Variants in CTNND2 observed in about 807,000 individuals in gnomAD.
CTNND2 encodes the protein catenin delta 2.
A neutral mutation model predicts 144.4 loss-of-function variants in CTNND2; 22 were observed. The observed-to-expected ratio is 0.15, with a 90% CI of 0.11 to 0.22. The LOEUF (loss-of-function observed/expected upper bound fraction) is 0.22. Ranked by LOEUF, CTNND2 falls within the 10% of genes least tolerant of loss-of-function variation. The pLI is 1.00. For missense variants in CTNND2, 1,353 were observed against 1,618.8 expected (o/e 0.84, Z 2.82); for synonymous variants, 751 against 695.6 (o/e 1.08, Z -1.25).
At chr5:11,258,428 A>G (rs1320581529) in intron 9 of CTNND2, among the ~76,000 whole-genome samples, 1 of 152,242 alleles carries the variant, frequency 6.6e-6, no homozygotes, top group South Asian at 2.1e-4. Context: ...TCACAAGCTT[A>G]TGCTCAGGCA....
chr5:11,894,704 C>A (rs1737258915), intron 1 of CTNND2, among the ~76,000 whole-genome samples: 1 of 152,012 alleles, frequency 6.6e-6, no homozygotes, highest in Non-Finnish European at 1.5e-5. Context: ...AGTTTTTATC[C>A]CAAGGAACAA....
intron 3 of CTNND2, among the ~76,000 whole-genome samples, chr5:11,435,084 A>G (rs565375710): frequency 6.6e-6 from 1 of 151,990 alleles, no homozygotes; most frequent in East Asian, 1.9e-4. Flanking sequence ...CTGATACTCT[A>G]TTTACAGATT....
chr5:11,316,853 G>T (rs1751561779), intron 9 of CTNND2, among the ~76,000 whole-genome samples: 1 of 152,044 alleles, frequency 6.6e-6, no homozygotes, highest in Non-Finnish European at 1.5e-5. Flanking sequence ...GTATTCCATG[G>T]TGTATATGTG....
chr5:11,825,986 CATA>C (rs1221792358), intron 1 of CTNND2, among the ~76,000 whole-genome samples: 2 of 151,720 alleles, frequency 1.3e-5, no homozygotes. Flanking sequence ...CAACGTAAGG[CATA>C]ATAAGGGAAA....
intron 2 of CTNND2, among the ~76,000 whole-genome samples, chr5:11,614,236 T>A (rs1780473427): frequency 6.6e-6 from 1 of 152,216 alleles, no homozygotes; most frequent in African/African-American, 2.4e-5. Flanking sequence ...GAGACTATGT[T>A]TAGCAGGTTA....
intron 2 of CTNND2, among the ~76,000 whole-genome samples, chr5:11,715,066 T>G (rs769442419): frequency 3.9e-5 from 6 of 152,142 alleles, no homozygotes; most frequent in Non-Finnish European, 2.9e-5. Flanking sequence ...TTTTGAGAGA[T>G]AGGGTTTCTG....
intron 3 of CTNND2, among the ~76,000 whole-genome samples, chr5:11,448,315 T>C (rs61753758): frequency 1.1e-3 from 173 of 152,304 alleles, no homozygotes; most frequent in African/African-American, 3.9e-3. Flanking sequence ...TTTAAATTGT[T>C]TAAAAATTTA....
At chr5:11,250,823 C>A (rs1580711593) in intron 9 of CTNND2, among the ~76,000 whole-genome samples, 1 of 151,938 alleles carries the variant, frequency 6.6e-6, no homozygotes, top group Admixed American at 6.6e-5. Context: ...AGCCCATAGA[C>A]CTTTATAATT....
At chr5:11,150,294 C>T (rs889789535) in intron 12 of CTNND2, among the ~76,000 whole-genome samples, 1 of 152,164 alleles carries the variant, frequency 6.6e-6, no homozygotes, top group Non-Finnish European at 1.5e-5. Context: ...GATTGTCAAA[C>T]ATCCCTGAGT....
rs1426284091 is a variant in CTNND2, at chr5:11,487,652, GC to G, written c.288-75584del. ...CACCATTAAAAATTAAATTATATAT[GC>G]TTATAATTAAATCATTTATATTAAA... On this transcript the variant is annotated intron_variant, in intron 3 of 21. Coordinates refer to ENST00000304623, the MANE Select transcript of CTNND2 (RefSeq NM_001332.4). Among the ~76,000 whole-genome samples the G allele has an allele frequency of 2.0e-5, 3 of 151,988 alleles. No homozygotes were observed. In the East Asian group the frequency reaches 5.8e-4, roughly 29 times the overall value.
intron 15 of CTNND2, among the ~76,000 whole-genome samples, chr5:11,096,287 G>A (rs1751341161): frequency 6.6e-6 from 1 of 152,208 alleles, no homozygotes; most frequent in South Asian, 2.1e-4. Context: ...TCTACATTAG[G>A]TATTTCTCCT....
chr5:11,762,356 T>C (rs970405721), intron 1 of CTNND2, among the ~76,000 whole-genome samples: 8 of 152,122 alleles, frequency 5.3e-5, no homozygotes, highest in African/African-American at 1.9e-4. Context: ...AATAGAAACG[T>C]AAGTTTTGGT....
At chr5:11,896,359 C>T (rs892308263) in intron 1 of CTNND2, among the ~76,000 whole-genome samples, 3 of 152,078 alleles carry the variant, frequency 2.0e-5, no homozygotes, top group Non-Finnish European at 2.9e-5. Flanking sequence ...ATTTCTGGGG[C>T]TTGCAACCAT....
At chr5:11,242,206 C>T (rs1053962458) in intron 9 of CTNND2, among the ~76,000 whole-genome samples, 10 of 152,102 alleles carry the variant, frequency 6.6e-5, no homozygotes, top group South Asian at 2.1e-4. Flanking sequence ...ATAACGTGAG[C>T]GCATACTAAA....
chr5:11,336,396 G>T (rs950204573), intron 9 of CTNND2, among the ~76,000 whole-genome samples: 10 of 152,158 alleles, frequency 6.6e-5, no homozygotes, highest in Non-Finnish European at 1.2e-4. Context: ...CAACCAGAAT[G>T]GGCTTTTCAA....
intron 2 of CTNND2, among the ~76,000 whole-genome samples, chr5:11,682,115 C>T (rs570439743): frequency 6.6e-6 from 1 of 152,306 alleles, no homozygotes; most frequent in African/African-American, 2.4e-5. Flanking sequence ...AGTGCAGAGT[C>T]ATAGAGCATT....
intron 16 of CTNND2, among the ~76,000 whole-genome samples, chr5:11,067,556 C>A (rs1747748278): frequency 6.6e-6 from 1 of 152,112 alleles, no homozygotes; most frequent in Non-Finnish European, 1.5e-5. Context: ...AAAGGTGCTG[C>A]CAGGAAAAGC....
intron 1 of CTNND2, among the ~76,000 whole-genome samples, chr5:11,761,860 T>A (rs1447748974): frequency 2.0e-5 from 3 of 152,174 alleles, no homozygotes; most frequent in Admixed American, 2.0e-4. Context: ...TTTAAAAATC[T>A]AAGTTGATCA....
At chr5:11,507,663 C>A (rs1258931467) in intron 3 of CTNND2, among the ~76,000 whole-genome samples, 1 of 152,164 alleles carries the variant, frequency 6.6e-6, no homozygotes, top group East Asian at 1.9e-4. Context: ...GTCTTTATAA[C>A]ACTCAGCTTT....
Sources: allele counts gnomAD v4.1 joint callset (sites outside exome capture counted in the v4.1 genomes callset), GRCh38; gene constraint gnomAD v4.1.1; transcripts MANE v1.5; gene names NCBI Gene and HGNC (gene_info 2026-07-23, HGNC 2026-07-21).